BRAP: variants seen among roughly 807,000 people sequenced by gnomAD.
BRAP encodes BRCA1 associated protein, also known as BRCA1-associated protein.
A neutral mutation model predicts 73.4 loss-of-function variants in BRAP; 42 were observed. That is an observed-to-expected ratio of 0.57 (90% CI 0.45 to 0.74). The LOEUF is 0.74. Among genes scored for constraint, BRAP ranks in the 30% least tolerant of loss-of-function variants. BRAP has a pLI of 0.00. For missense variants in BRAP, 593 were observed against 751.4 expected, an observed-to-expected ratio of 0.79 and a Z score of 2.46; for synonymous variants, 255 against 267.4, an observed-to-expected ratio of 0.95 and a Z score of 0.45.
In BRAP at chr12:111,670,488, C is replaced by T. The variant is rs548622660; in HGVS notation, c.747+2173G>A. The T allele has an allele frequency of 3.7e-4, 83 of 226,090 alleles. 2 individuals are homozygous for T. The South Asian group carries it at 4.9e-3, about 13-fold the overall frequency. The allele number at this position is 226,090 out of a possible 1,614,324, so 14.0% of individuals were successfully genotyped here. A position where few individuals can be genotyped will look rare whatever the true frequency, so the allele number is the denominator to read the frequency against. On this transcript the variant is annotated intron_variant, in intron 5 of 11. Transcript: ENST00000419234. ...CAAAGTAAAAAGACCTTCAGGTCTA[C>T]TTAATTTTTTAATTTTGTTTTTTAG...
intron 9 of BRAP, among the ~76,000 whole-genome samples, chr12:111,657,922 A>C (rs963667051): frequency 6.6e-6 from 1 of 151,980 alleles, no homozygotes; most frequent in African/African-American, 2.4e-5. Context: ...GAAAGTAACA[A>C]GGCACAGTGA....
chr12:111,681,567 C>A (rs1244631129), intron 3 of BRAP, 70 bp downstream of exon 3: 2 of 1,284,906 alleles, frequency 1.6e-6, no homozygotes, highest in Non-Finnish European at 2.1e-6. Flanking sequence ...GGACAAGAGA[C>A]TATGCTAAAG....
chr12:111,663,773 A>G (rs1886838402), intron 6 of BRAP, among the ~76,000 whole-genome samples: 1 of 152,170 alleles, frequency 6.6e-6, no homozygotes, highest in Non-Finnish European at 1.5e-5. Context: ...TCACAGTTCT[A>G]TGCATGTACC....
intron 2 of BRAP, 146 bp from the exon 3 acceptor site, chr12:111,681,981 G>T: frequency 1.3e-6 from 1 of 786,522 alleles, no homozygotes; most frequent in Middle Eastern, 3.9e-4. Context: ...TTGTAGAATA[G>T]CTGAGTTTAT....
intron 4 of BRAP, among the ~76,000 whole-genome samples, chr12:111,676,721 G>A (rs1361922868): frequency 6.6e-6 from 1 of 152,096 alleles, no homozygotes; most frequent in African/African-American, 2.4e-5. Context: ...TGGCCAACAT[G>A]GCATCGTTGA....
At chr12:111,650,083 A>T in intron 10 of BRAP, 41 bp from the exon 11 acceptor site, 1 of 1,415,918 alleles carries the variant, frequency 7.1e-7, no homozygotes, top group Non-Finnish European at 9.9e-7. Context: ...TCACAAAGGT[A>T]ATGTGGTGTG....
intron 11 of BRAP, among the ~76,000 whole-genome samples, chr12:111,648,520 G>A (rs994153993): frequency 6.9e-6 from 1 of 144,170 alleles, no homozygotes; most frequent in Middle Eastern, 4.2e-3. Flanking sequence ...GCTGAGGCAG[G>A]AGAATCACTT....
At position 111,680,991 on chromosome 12, in the gene BRAP, T is replaced by A. The variant is rs541017594; in HGVS notation, c.443+646A>T. ...AGCAGCCTCTTCAGTAAAGATTTGGTGGGGACATGAGACTACAAAGATGCT... is the reference window on the plus strand; with the variant it reads ...AGCAGCCTCTTCAGTAAAGATTTGGAGGGGACATGAGACTACAAAGATGCT... On this transcript the variant is annotated intron_variant, in intron 3 of 11. Transcript: ENST00000419234. Among the ~76,000 whole-genome samples the A allele has an allele frequency of 2.6e-5, 4 of 152,338 alleles. No individual in the cohort carries two copies. In the East Asian group the frequency reaches 7.7e-4, roughly 29 times the overall value.
At chr12:111,653,206 A>G (rs1297202384) in intron 10 of BRAP, among the ~76,000 whole-genome samples, 1 of 152,212 alleles carries the variant, frequency 6.6e-6, no homozygotes, top group Non-Finnish European at 1.5e-5. Context: ...CTCAAAAAAC[A>G]AATGAAAAAT....
Position 111,685,771 on chromosome 12 carries a change from T to G in BRAP, c.22A>C (p.Ile8Leu). The change falls in exon 1 of 12, where the codon ATC (isoleucine) becomes CTC (leucine). Residue 8 changes from isoleucine (I) to leucine (L), a missense_variant. By Grantham distance (5) the Ile-to-Leu change is conservative. This residue lies in a region of BRAP where 304 missense variants were observed against 337.7 expected (regional missense o/e 0.90). Coordinates refer to ENST00000419234, the MANE Select transcript of BRAP (RefSeq NM_006768.5). The part of the protein sequence containing the change: MSVSLVV[I>L]RLELAEHSPV... ...GAGTGTTCCGCGAGCTCCAATCGGA[T>G]AACAACCAGTGACACACTCATAGGG... The G allele has an allele frequency of 6.2e-7, 1 of 1,604,040 alleles. No homozygotes were observed. The highest frequency in any genetic ancestry group is 8.5e-7 in the Non-Finnish European group (1 of 1,175,116).
At chr12:111,677,162 G>C (rs1887414434) in intron 4 of BRAP, among the ~76,000 whole-genome samples, 2 of 152,178 alleles carry the variant, frequency 1.3e-5, no homozygotes, top group South Asian at 2.1e-4. Flanking sequence ...ACTTGTTATA[G>C]GGAACTGTGT....
At chr12:111,667,948 C>G (rs1200619511) in intron 5 of BRAP, among the ~76,000 whole-genome samples, 1 of 152,090 alleles carries the variant, frequency 6.6e-6, no homozygotes, top group South Asian at 2.1e-4. Context: ...GTGGCTCACA[C>G]CCGTAATCCC....
At chr12:111,683,387 C>A in intron 1 of BRAP, 80 bp from the exon 2 acceptor site, 1 of 1,463,512 alleles carries the variant, frequency 6.8e-7, no homozygotes, top group Non-Finnish European at 9.2e-7. Context: ...ATTAGGTTTT[C>A]CTTTTCTTTC....
intron 6 of BRAP, among the ~76,000 whole-genome samples, chr12:111,660,943 G>T (rs1370335417): frequency 3.3e-5 from 5 of 151,796 alleles, no homozygotes; most frequent in Non-Finnish European, 5.9e-5. Context: ...GTATTTACAG[G>T]TTACAATTAG....
At chr12:111,657,941 CTT>C (rs754516146) in intron 9 of BRAP, among the ~76,000 whole-genome samples, 24 of 142,994 alleles carry the variant, frequency 1.7e-4, no homozygotes, top group Admixed American at 2.8e-4. Context: ...GAAACTTAGA[CTT>C]TTTTTTTTTT....
chr12:111,658,322 C>CAGA (rs1886607535), intron 9 of BRAP, among the ~76,000 whole-genome samples: 1 of 148,724 alleles, frequency 6.7e-6, no homozygotes, highest in African/African-American at 2.5e-5. Flanking sequence ...TTTTTTGAGA[C>CAGA]AGAGTTTCGC....
At chr12:111,666,533 C>A (rs111435957) in intron 5 of BRAP, among the ~76,000 whole-genome samples, 1 of 152,100 alleles carries the variant, frequency 6.6e-6, no homozygotes, top group Non-Finnish European at 1.5e-5. Flanking sequence ...AAAACAGATA[C>A]GTTAAGTCCA....
In BRAP at chr12:111,679,296, A is replaced by T. The variant is rs1887508067; in HGVS notation, c.488T>A (p.Leu163Gln). Reference sequence around the variant, plus strand: ...TGCAGCAGGGACTGTGAGAATACACAGCATGGCACTGCGCCGCACATCTTC... The same window carrying T: ...TGCAGCAGGGACTGTGAGAATACACTGCATGGCACTGCGCCGCACATCTTC... The part of the protein sequence containing the change: ...LKEDVRRSAM[L>Q]CILTVPAAMT... Residue 163 changes from leucine (L) to glutamine (Q), a missense_variant, in exon 4 of 12, where the codon CTG (leucine) becomes CAG (glutamine). Physicochemically the swap from Leu to Gln is moderately radical, Grantham distance 113. This residue lies in a region of BRAP where 304 missense variants were observed against 337.7 expected (regional missense o/e 0.90). Coordinates refer to ENST00000419234, the MANE Select transcript of BRAP (RefSeq NM_006768.5). 2 of 1,599,954 alleles carry T rather than the reference A, an allele frequency of 1.3e-6. No individual in the cohort carries two copies. The highest frequency in any genetic ancestry group is 1.7e-6 in the Non-Finnish European group (2 of 1,172,044).
At chr12:111,683,032 T>A (rs1235277093) in intron 2 of BRAP, 114 bp downstream of exon 2, 20 of 1,207,156 alleles carry the variant, frequency 1.7e-5, no homozygotes, top group Non-Finnish European at 5.8e-6. Flanking sequence ...ACACACGTAG[T>A]GAAAGACAAA....
Sources: gnomAD v4.1 joint callset for allele counts (sites outside exome capture counted in the v4.1 genomes callset) on GRCh38, gnomAD v4.1.1 for gene constraint, gnomAD v4.1.1 regional missense constraint, MANE v1.5 for transcripts, NCBI Gene and HGNC (gene_info 2026-07-23, HGNC 2026-07-21) for gene names.